Variants in LPAR1 observed in about 807,000 individuals in gnomAD.
LPAR1 encodes LPA receptor 1.
LPAR1 carries 5 observed loss-of-function variants against 23.8 expected under a neutral mutation model. That is an observed-to-expected ratio of 0.21 (90% CI 0.11 to 0.44). The LOEUF (loss-of-function observed/expected upper bound fraction) is 0.44. Among genes scored for constraint, LPAR1 ranks in the 20% least tolerant of loss-of-function variants. LPAR1 has a pLI of 0.99. For synonymous variants in LPAR1, 160 were observed against 164.7 expected, an observed-to-expected ratio of 0.97 and a Z score of 0.22; for missense variants, 311 against 482.8, an observed-to-expected ratio of 0.64 and a Z score of 3.33.
chr9:110,889,400 G>A (rs2083404339), intron 5 of LPAR1, among the ~76,000 whole-genome samples: 1 of 152,012 alleles, frequency 6.6e-6, no homozygotes, highest in Non-Finnish European at 1.5e-5. Context: ...ACCACATTAA[G>A]TTGGTGAAAA....
intron 4 of LPAR1, among the ~76,000 whole-genome samples, chr9:110,954,906 A>G (rs1340192038): frequency 6.6e-6 from 1 of 152,230 alleles, no homozygotes; most frequent in Admixed American, 6.5e-5. Context: ...ATGAAAACAT[A>G]CAAAAGTGTA....
chr9:110,906,376 A>C (rs1388632885), intron 5 of LPAR1, among the ~76,000 whole-genome samples: 1 of 152,206 alleles, frequency 6.6e-6, no homozygotes, highest in East Asian at 1.9e-4. Flanking sequence ...GATGTTTTTA[A>C]AAAACTTATT....
chr9:110,967,753 T>C (rs894630445), intron 4 of LPAR1, among the ~76,000 whole-genome samples: 4 of 152,196 alleles, frequency 2.6e-5, no homozygotes, highest in South Asian at 2.1e-4. Flanking sequence ...AAGACATCAG[T>C]AGAAGCTTCG....
chr9:110,896,542 T>C lies in LPAR1; in HGVS notation c.794-20820A>G, dbSNP rs73655658. On this transcript the variant is annotated intron_variant, in intron 5 of 5. Transcript: ENST00000683809. ...TATTTGATTTTTAAGACATTCCCCA[T>C]TGTACTACTCCATGGTATGATCTAG... Among the ~76,000 whole-genome samples the C allele has an allele frequency of 7.0e-3, 1,073 of 152,202 alleles. 15 individuals are homozygous for C. The highest frequency in any genetic ancestry group is 0.024 in the African/African-American group (1,004 of 41,518).
chr9:110,875,891 A>C (rs1389039031), intron 5 of LPAR1, among the ~76,000 whole-genome samples, 169 bp from the exon 6 acceptor site: 1 of 152,194 alleles, frequency 6.6e-6, no homozygotes, highest in Admixed American at 6.5e-5. Flanking sequence ...AATCAGAAAA[A>C]ATTTAACGAT....
chr9:110,963,692 A>C (rs1036095526), intron 4 of LPAR1, among the ~76,000 whole-genome samples: 4 of 152,252 alleles, frequency 2.6e-5, no homozygotes, highest in African/African-American at 9.6e-5. Context: ...GAACTTCCAG[A>C]CTAATCATGG....
intron 5 of LPAR1, among the ~76,000 whole-genome samples, chr9:110,906,873 G>T (rs2091364032): frequency 1.3e-5 from 2 of 150,454 alleles, no homozygotes; most frequent in Admixed American, 1.3e-4. Flanking sequence ...TATATGCTTT[G>T]AAGGCCAACT....
chr9:110,954,474 A>T (rs1261970474), intron 4 of LPAR1, among the ~76,000 whole-genome samples: 1 of 150,432 alleles, frequency 6.6e-6, no homozygotes, highest in Non-Finnish European at 1.5e-5. Flanking sequence ...AGGCTCAGGG[A>T]TCCCCAAACA....
intron 5 of LPAR1, among the ~76,000 whole-genome samples, chr9:110,895,692 G>A (rs2086083875): frequency 6.6e-6 from 1 of 152,196 alleles, no homozygotes; most frequent in Non-Finnish European, 1.5e-5. Context: ...GGAGCTGGAT[G>A]CACTCTGGCC....
intron 5 of LPAR1, among the ~76,000 whole-genome samples, chr9:110,910,463 T>C (rs900492789): frequency 1.3e-5 from 2 of 152,216 alleles, no homozygotes; most frequent in Admixed American, 6.5e-5. Flanking sequence ...CTGATGGACA[T>C]GTACAGGGAT....
At chr9:110,985,371 T>C (rs967342987) in intron 2 of LPAR1, among the ~76,000 whole-genome samples, 2 of 152,038 alleles carry the variant, frequency 1.3e-5, no homozygotes, top group African/African-American at 4.8e-5. Context: ...TTTCATTTGC[T>C]TCTCCAGCTT....
chr9:110,893,841 A>C (rs1171858041), intron 5 of LPAR1, among the ~76,000 whole-genome samples: 1 of 152,142 alleles, frequency 6.6e-6, no homozygotes, highest in Non-Finnish European at 1.5e-5. Context: ...ACGTAGCCTC[A>C]GTGTGCTGGC....
chr9:111,003,260 C>T (rs963456271), intron 2 of LPAR1, among the ~76,000 whole-genome samples: 5 of 152,080 alleles, frequency 3.3e-5, no homozygotes, highest in African/African-American at 1.2e-4. Context: ...CACAGAGATT[C>T]AGTCACAAAC....
intron 2 of LPAR1, among the ~76,000 whole-genome samples, chr9:111,032,788 T>C (rs1362493762): frequency 6.6e-6 from 1 of 152,168 alleles, no homozygotes; most frequent in East Asian, 1.9e-4. Context: ...ACAGTAGCAA[T>C]CTCAGCATAG....
intron 2 of LPAR1, among the ~76,000 whole-genome samples, chr9:111,024,428 TAC>T (rs2097641931): frequency 6.8e-6 from 1 of 147,626 alleles, no homozygotes; most frequent in Non-Finnish European, 1.5e-5. Flanking sequence ...TATTTATATA[TAC>T]ATATATAATT....
chr9:110,950,217 T>G (rs1045424067), intron 4 of LPAR1, among the ~76,000 whole-genome samples: 4 of 151,918 alleles, frequency 2.6e-5, no homozygotes, highest in African/African-American at 9.7e-5. Flanking sequence ...CCCAGCACTG[T>G]GAAGGGCTGA....
At chr9:110,928,011 C>T (rs191024086) in intron 5 of LPAR1, among the ~76,000 whole-genome samples, 22 of 152,090 alleles carry the variant, frequency 1.4e-4, no homozygotes, top group Admixed American at 1.1e-3. Context: ...AAAGATAGTA[C>T]AAAAATGTCC....
intron 2 of LPAR1, among the ~76,000 whole-genome samples, chr9:110,987,081 G>A (rs897788413): frequency 2.8e-4 from 42 of 152,194 alleles, no homozygotes; most frequent in African/African-American, 9.4e-4. Flanking sequence ...TAAAAAGTGT[G>A]CTGAATCAGA....
chr9:110,998,415 T>C (rs2097061060), intron 2 of LPAR1, among the ~76,000 whole-genome samples: 2 of 152,192 alleles, frequency 1.3e-5, no homozygotes, highest in Non-Finnish European at 2.9e-5. Flanking sequence ...GCCAGAAATA[T>C]TGTTTCAGGA....
Sources: allele counts gnomAD v4.1 joint callset (sites outside exome capture counted in the v4.1 genomes callset), GRCh38; gene constraint gnomAD v4.1.1; transcripts MANE v1.5; gene names NCBI Gene and HGNC (gene_info 2026-07-23, HGNC 2026-07-21).